Variants in SSBP2 observed in about 807,000 individuals in gnomAD.
The protein encoded by SSBP2 is single stranded DNA binding protein 2, also known as single-stranded DNA-binding protein 2.
In SSBP2, 17 loss-of-function variants were observed where a neutral mutation model predicts 61.8. That is an observed-to-expected ratio of 0.28 (90% CI 0.19 to 0.41). The LOEUF is 0.41. Among genes scored for constraint, SSBP2 ranks in the 10% least tolerant of loss-of-function variants. SSBP2 has a pLI of 1.00. For missense variants in SSBP2, 310 were observed against 458.7 expected (o/e 0.68, Z 2.96); for synonymous variants, 139 against 141.3 (o/e 0.98, Z 0.12).
At chr5:81,609,682 C>T (rs1745253083) in intron 4 of SSBP2, among the ~76,000 whole-genome samples, 1 of 152,206 alleles carries the variant, frequency 6.6e-6, no homozygotes, top group Admixed American at 6.5e-5. Context: ...AAGGTCAAAC[C>T]CACAGACTAG....
chr5:81,540,722 C>G (rs1030027324), intron 4 of SSBP2, among the ~76,000 whole-genome samples: 1 of 151,944 alleles, frequency 6.6e-6, no homozygotes, highest in Non-Finnish European at 1.5e-5. Context: ...TTTATATGCC[C>G]TATAAAAGAA....
At chr5:81,742,538 G>A (rs924912486) in intron 1 of SSBP2, among the ~76,000 whole-genome samples, 1 of 152,154 alleles carries the variant, frequency 6.6e-6, no homozygotes, top group Non-Finnish European at 1.5e-5. Flanking sequence ...CATGGTCCTT[G>A]CTCTTATGGA....
At chr5:81,662,014 T>G (rs1256859049) in intron 1 of SSBP2, among the ~76,000 whole-genome samples, 1 of 152,192 alleles carries the variant, frequency 6.6e-6, no homozygotes, top group African/African-American at 2.4e-5. Flanking sequence ...GTTTGATTTT[T>G]GTCTGCGTTA....
At position 81,538,638 on chromosome 5, in the gene SSBP2, T is replaced by C. The variant is rs150131206; in HGVS notation, c.283-24921A>G. Among the ~76,000 whole-genome samples, 35 of 152,336 alleles carry C rather than the reference T, an allele frequency of 2.3e-4. No individual in the cohort carries two copies. The East Asian group carries it at 6.6e-3, about 29-fold the overall frequency. On this transcript the variant is annotated intron_variant, in intron 4 of 16. Coordinates refer to ENST00000320672, the MANE Select transcript of SSBP2 (RefSeq NM_012446.5). ...GATTCTCTTGTTAGGCTGGTTCTCT[T>C]GTTAGCAGCTAATGCAGTTGGGGGC... is the stretch of plus-strand genomic sequence containing the variant.
rs1561670336 is a variant in SSBP2 at position 81,665,664 on chromosome 5, T to A, written c.63-15325A>T. Among the ~76,000 whole-genome samples the A allele has an allele frequency of 2.6e-5, 4 of 152,020 alleles. No individual in the cohort carries two copies. The South Asian group carries it at 6.2e-4, about 24-fold the overall frequency. On this transcript the variant is annotated intron_variant, in intron 1 of 16. Coordinates refer to ENST00000320672, the MANE Select transcript of SSBP2 (RefSeq NM_012446.5). ...GCCAGGCACCATGTCTGGCTAATTT[T>A]TTATTATTATTAGTAGTAGTAGTAG...
chr5:81,692,702 A>G (rs148494962), intron 1 of SSBP2, among the ~76,000 whole-genome samples: 1,947 of 152,322 alleles, frequency 0.013, 37 homozygotes, highest in African/African-American at 0.045. Flanking sequence ...AAACAAATCC[A>G]TACATCTACA....
At chr5:81,687,007 CACACA>C (rs1171951866) in intron 1 of SSBP2, among the ~76,000 whole-genome samples, 1 of 152,126 alleles carries the variant, frequency 6.6e-6, no homozygotes, top group Admixed American at 6.5e-5. Context: ...AATGACTATT[CACACA>C]AAAAAGGACC....
chr5:81,494,584 T>C (rs982938619), intron 5 of SSBP2, among the ~76,000 whole-genome samples: 1 of 152,162 alleles, frequency 6.6e-6, no homozygotes, highest in Non-Finnish European at 1.5e-5. Flanking sequence ...ATTATGGCCA[T>C]CTGCAAGCCA....
Position 81,494,408 on chromosome 5 carries a change from G to T in SSBP2, c.373-5099C>A, listed in dbSNP as rs147308008. The stretch of plus-strand genomic sequence containing the variant: ...TGCTACGGACTGAATGTTTATGTCT[G>T]CATAAAATTCATATATTGAAATCCT... On this transcript the variant is annotated intron_variant, in intron 5 of 16. Coordinates refer to ENST00000320672, the MANE Select transcript of SSBP2 (RefSeq NM_012446.5). 2.2e-4 allele frequency among the ~76,000 whole-genome samples: 33 copies of T among 152,278 alleles called. No homozygotes were observed. The Middle Eastern group carries it at 0.01, about 47-fold the overall frequency.
chr5:81,628,281 G>A (rs548410139), intron 3 of SSBP2, among the ~76,000 whole-genome samples: 1 of 152,138 alleles, frequency 6.6e-6, no homozygotes, highest in Non-Finnish European at 1.5e-5. Flanking sequence ...CCACCAGATT[G>A]TGTGAGAACT....
At chr5:81,451,541 C>T (rs1272591312) in intron 10 of SSBP2, among the ~76,000 whole-genome samples, 2 of 152,156 alleles carry the variant, frequency 1.3e-5, no homozygotes, top group African/African-American at 4.8e-5. Flanking sequence ...ATTGTCCTGC[C>T]TCAGCCTCCC....
intron 13 of SSBP2, among the ~76,000 whole-genome samples, chr5:81,441,035 A>T (rs1762998264): frequency 6.6e-6 from 1 of 152,242 alleles, no homozygotes. Context: ...AGAATAATTC[A>T]ATGTCATTAT....
intron 4 of SSBP2, among the ~76,000 whole-genome samples, chr5:81,586,760 A>G (rs1382937500): frequency 2.6e-5 from 4 of 152,012 alleles, no homozygotes; most frequent in Non-Finnish European, 4.4e-5. Context: ...TCACAAAATG[A>G]TAAAGGTGGC....
intron 4 of SSBP2, among the ~76,000 whole-genome samples, chr5:81,556,524 A>G (rs1772618050): frequency 6.6e-6 from 1 of 152,120 alleles, no homozygotes; most frequent in Admixed American, 6.6e-5. Flanking sequence ...CAGGAAACCT[A>G]CAAGTTTATA....
At chr5:81,677,830 A>G (rs907211147) in intron 1 of SSBP2, among the ~76,000 whole-genome samples, 10 of 115,268 alleles carry the variant, frequency 8.7e-5, no homozygotes, top group African/African-American at 1.4e-4. Flanking sequence ...CTTAAGGGTG[A>G]AAAAAAAAAA....
intron 13 of SSBP2, 78 bp from the exon 14 acceptor site, chr5:81,440,714 T>A: frequency 1.9e-6 from 2 of 1,037,084 alleles, no homozygotes; most frequent in Middle Eastern, 2.1e-4. Flanking sequence ...ATATTTAACA[T>A]TACAAGACAC....
At chr5:81,439,634 G>T (rs1373120263) in intron 14 of SSBP2, among the ~76,000 whole-genome samples, 1 of 147,548 alleles carries the variant, frequency 6.8e-6, no homozygotes, top group Non-Finnish European at 1.5e-5. Flanking sequence ...TTGAGTAACT[G>T]GGATTACAGG....
At chr5:81,731,573 T>C (rs1297318735) in intron 1 of SSBP2, among the ~76,000 whole-genome samples, 1 of 152,186 alleles carries the variant, frequency 6.6e-6, no homozygotes, top group Non-Finnish European at 1.5e-5. Context: ...CAAAGTCGAT[T>C]ACCTTACCCA....
chr5:81,692,977 G>T (rs1561698412), intron 1 of SSBP2, among the ~76,000 whole-genome samples: 1 of 151,998 alleles, frequency 6.6e-6, no homozygotes, highest in South Asian at 2.1e-4. Flanking sequence ...AGGCTGAGGT[G>T]GGTGGATCAC....
Sources: allele counts gnomAD v4.1 joint callset (sites outside exome capture counted in the v4.1 genomes callset), GRCh38; gene constraint gnomAD v4.1.1; transcripts MANE v1.5; gene names NCBI Gene and HGNC (gene_info 2026-07-23, HGNC 2026-07-21).